Variants in GRM4 observed in about 807,000 individuals in gnomAD.
GRM4 encodes the protein glutamate metabotropic receptor 4.
Under a neutral mutation model 81.7 loss-of-function variants are expected in GRM4, and 28 were observed. That is an observed-to-expected ratio of 0.34 (90% CI 0.25 to 0.47). GRM4 has a LOEUF of 0.47. GRM4 is among the 20% of genes least tolerant of loss of function. The pLI, the probability that GRM4 is intolerant of heterozygous loss-of-function variation, is 1.00. For missense variants in GRM4, 948 were observed against 1,290.0 expected, an observed-to-expected ratio of 0.73 and a Z score of 4.06; for synonymous variants, 488 against 528.8, an observed-to-expected ratio of 0.92 and a Z score of 1.06.
In GRM4 at chr6:34,035,069, G is replaced by A. The variant is rs902197; in HGVS notation, c.2442+599C>T. On this transcript the variant is annotated intron_variant, in intron 9 of 10. Coordinates refer to ENST00000538487, the MANE Select transcript of GRM4 (RefSeq NM_000841.4). This position sits in a 1 kb window ranked among gnomAD's most constrained non-coding sequence, Gnocchi z 6.6. Reference sequence around the variant, plus strand: ...GCTTGGGGCTGGGGAGAGAAGGGGGGTCCCATGGGGATCTTGTGAGGGGTA... The same window carrying A: ...GCTTGGGGCTGGGGAGAGAAGGGGGATCCCATGGGGATCTTGTGAGGGGTA... Among the ~76,000 whole-genome samples, 20,013 of 152,080 alleles carry A rather than the reference G, an allele frequency of 0.13. 2,698 individuals carry two copies. Among genetic ancestry groups the A allele is most frequent in the African/African-American group, 0.35 (14,428 of 41,382 alleles).
chr6:34,138,170 A>G (rs1315861784), intron 1 of GRM4, among the ~76,000 whole-genome samples: 1 of 152,206 alleles, frequency 6.6e-6, no homozygotes, highest in Non-Finnish European at 1.5e-5. Context: ...GGTCAGGGTC[A>G]TTGCCAGAGT....
intron 6 of GRM4, among the ~76,000 whole-genome samples, chr6:34,050,382 C>T (rs565482533): frequency 6.6e-6 from 1 of 152,290 alleles, no homozygotes; most frequent in Non-Finnish European, 1.5e-5. Flanking sequence ...GGGGCGGATT[C>T]CTCATGAGTG....
chr6:34,082,849 A>T (rs1561800078), intron 3 of GRM4, among the ~76,000 whole-genome samples: 1 of 152,200 alleles, frequency 6.6e-6, no homozygotes, highest in Non-Finnish European at 1.5e-5. Flanking sequence ...AGCACAACTC[A>T]TGATGGCAGA....
At chr6:34,073,980 T>A (rs1767173416) in intron 3 of GRM4, among the ~76,000 whole-genome samples, 1 of 152,176 alleles carries the variant, frequency 6.6e-6, no homozygotes, top group Non-Finnish European at 1.5e-5. Context: ...GCACGGCTAT[T>A]CATGGAGCGG....
rs1770174503 is a variant in GRM4, at chr6:34,130,012, G to T, written c.519+2966C>A. 3.3e-5 allele frequency among the ~76,000 whole-genome samples: 5 copies of T among 152,146 alleles called. No homozygotes were observed. The highest frequency in any genetic ancestry group is 3.3e-4 in the Admixed American group (5 of 15,276). On this transcript the variant is annotated intron_variant, in intron 2 of 10. Transcript: ENST00000538487. This position sits in a 1 kb window ranked among gnomAD's most constrained non-coding sequence, Gnocchi z 4.1. ...CCCATCATTAGGGGAGCAGGGCGGG[G>T]GCTGCAGTGGTGCCCTTTGAAATGG...
Position 34,091,960 on chromosome 6 carries a change from T to C in GRM4, c.659A>G (p.Tyr220Cys). 2.5e-6 allele frequency: 4 copies of C among 1,614,132 alleles called. No homozygotes were observed. Among genetic ancestry groups the C allele is most frequent in the South Asian group, 1.1e-5 (1 of 91,086 alleles). The change falls in exon 3 of 11, where the codon TAT (tyrosine) becomes TGT (cysteine). Residue 220 changes from tyrosine (Y) to cysteine (C), a missense_variant. Coordinates refer to ENST00000538487, the MANE Select transcript of GRM4 (RefSeq NM_000841.4). The stretch of plus-strand genomic sequence containing the variant: ...GCCCTCCGAGGCCACTGTGGACACA[T>C]AGTTCCACTTGAGGGCACGGACGAT... The part of the protein sequence containing the change: ...VDIVRALKWN[Y>C]VSTVASEGSY...
intron 2 of GRM4, chr6:34,103,971 A>G (rs535216878): frequency 1.4e-5 from 8 of 588,180 alleles, no homozygotes; most frequent in Non-Finnish European, 1.9e-5. Context: ...ACAGGGGCTC[A>G]TGCACAGCCT....
At chr6:34,113,036 T>C (rs1769450499) in intron 2 of GRM4, among the ~76,000 whole-genome samples, 1 of 152,204 alleles carries the variant, frequency 6.6e-6, no homozygotes, top group Non-Finnish European at 1.5e-5. Context: ...GCAATAATAA[T>C]GACCTTCCAT....
chr6:34,073,295 T>TATCACACAGATACAGA (rs1767114628), intron 3 of GRM4, among the ~76,000 whole-genome samples: 1 of 53,586 alleles, frequency 1.9e-5, no homozygotes. Context: ...CACACACACA[T>TATCACACAGATACAGA]CCACACATCA....
At chr6:34,134,592 G>A (rs1306523291) in intron 1 of GRM4, among the ~76,000 whole-genome samples, 1 of 152,064 alleles carries the variant, frequency 6.6e-6, no homozygotes, top group Non-Finnish European at 1.5e-5. Flanking sequence ...CAGCTACACA[G>A]CTACCCCAGG....
chr6:34,030,095 C>G (rs1263967456), intron 9 of GRM4, among the ~76,000 whole-genome samples: 1 of 152,254 alleles, frequency 6.6e-6, no homozygotes, highest in Non-Finnish European at 1.5e-5. Flanking sequence ...GGCCGTCTCT[C>G]CTGCCCAAAC....
chr6:34,083,270 CA>C (rs1327473682), intron 3 of GRM4, among the ~76,000 whole-genome samples: 1 of 152,176 alleles, frequency 6.6e-6, no homozygotes, highest in Non-Finnish European at 1.5e-5. Flanking sequence ...TTACAAAATG[CA>C]GAGGTGTCAG....
chr6:34,147,882 A>T (rs1044475337), upstream of GRM4, among the ~76,000 whole-genome samples: 1 of 149,718 alleles, frequency 6.7e-6, no homozygotes, highest in African/African-American at 2.5e-5. Context: ...ACAGAACAGA[A>T]TCCTCAATAT....
In GRM4 at chr6:34,136,750, C is replaced by A. The variant is rs1770475312; in HGVS notation, c.-363-2891G>T. 1.3e-5 allele frequency among the ~76,000 whole-genome samples: 2 copies of A among 152,156 alleles called. No homozygotes were observed. Among genetic ancestry groups the A allele is most frequent in the Admixed American group, 1.3e-4 (2 of 15,272 alleles). On this transcript the variant is annotated intron_variant, in intron 1 of 10. Transcript: ENST00000538487. This position sits in a 1 kb window ranked among gnomAD's most constrained non-coding sequence, Gnocchi z 4.1. The stretch of plus-strand genomic sequence containing the variant: ...CCACAGGACTGGGTCCCAGCCCCTG[C>A]CCACAGGTCCCTATCCACCCCTCAG...
intron 3 of GRM4, chr6:34,062,411 T>C (rs1235504900): frequency 1.6e-5 from 3 of 188,632 alleles, no homozygotes; most frequent in African/African-American, 7.0e-5. Context: ...ATACATCACC[T>C]ATAAAGTGGA....
intron 6 of GRM4, among the ~76,000 whole-genome samples, chr6:34,050,179 C>A (rs558348598): frequency 6.6e-6 from 1 of 152,316 alleles, no homozygotes; most frequent in East Asian, 1.9e-4. Context: ...ACCCCAGGGC[C>A]TTTGCACTTG....
chr6:34,119,403 A>AAGAGAG, intron 2 of GRM4, among the ~76,000 whole-genome samples: 1 of 151,432 alleles, frequency 6.6e-6, no homozygotes, highest in African/African-American at 2.4e-5. Flanking sequence ...GAAAGAAAGA[A>AAGAGAG]AGAGAGAGAG....
At chr6:34,056,299 C>G (rs1561778354) in intron 6 of GRM4, 9 of 535,498 alleles carry the variant, frequency 1.7e-5, no homozygotes, top group South Asian at 4.4e-5. Flanking sequence ...ACATCAACCC[C>G]GAGGCGGCCA....
rs1761783062 is a variant in GRM4, at chr6:34,019,723, G to C, written c.*3098C>G. ...CTGGCTCCCTATCCAGGGTGCCAGG[G>C]ACCCTGAACCCCCCATCTTGTTGAA... On this transcript the variant is annotated 3_prime_UTR_variant, in exon 11 of 11. Coordinates refer to ENST00000538487, the MANE Select transcript of GRM4 (RefSeq NM_000841.4). 10 of 152,188 alleles carry C rather than the reference G, an allele frequency of 6.6e-5. No individual in the cohort carries two copies. The highest frequency in any genetic ancestry group is 6.5e-4 in the Admixed American group (10 of 15,280). 9.4% of individuals were successfully genotyped at this position (152,188 alleles called of 1,614,324 possible).
Sources: allele counts gnomAD v4.1 joint callset (sites outside exome capture counted in the v4.1 genomes callset), GRCh38; gene constraint gnomAD v4.1.1; non-coding constraint Gnocchi (gnomAD v3.1); transcripts MANE v1.5; gene names NCBI Gene and HGNC (gene_info 2026-07-23, HGNC 2026-07-21).